WFDC3: variants seen among roughly 807,000 people sequenced by gnomAD.
WFDC3 encodes the protein WAP four-disulfide core domain protein 3.
Under a neutral mutation model 25.8 loss-of-function variants are expected in WFDC3, and 15 were observed. The observed-to-expected ratio is 0.58, with a 90% CI of 0.39 to 0.89. WFDC3 has a LOEUF of 0.89. Among genes scored for constraint, WFDC3 ranks in the 40% least tolerant of loss-of-function variants. The probability of loss-of-function intolerance (pLI) is 0.00; values close to 1 mark genes in which losing one functional copy is unlikely to be tolerated. For missense variants in WFDC3, 264 were observed against 289.8 expected, an observed-to-expected ratio of 0.91 and a Z score of 0.65; for synonymous variants, 103 against 107.1, an observed-to-expected ratio of 0.96 and a Z score of 0.24.
Position 45,791,814 on chromosome 20 carries a change from C to T in WFDC3, c.-8+18G>A, listed in dbSNP as rs893406785. The T allele has an allele frequency of 1.0e-5, 4 of 400,224 alleles. No individual in the cohort carries two copies. The highest frequency in any genetic ancestry group is 1.7e-5 in the Non-Finnish European group (4 of 230,270). 24.8% of individuals were successfully genotyped at this position (400,224 alleles called of 1,614,324 possible). The stretch of plus-strand genomic sequence containing the variant: ...GGCGCAGCCCTCCCGAGAGGAAGCC[C>T]CAACGACCTCCACCTACAAGGCCTC... On this transcript the variant is annotated intron_variant, in intron 1 of 6. Transcript: ENST00000243938.
At chr20:45,778,606 T>G (rs1980298705) in intron 4 of WFDC3, 1 of 152,170 alleles carries the variant, frequency 6.6e-6, no homozygotes, top group Admixed American at 6.5e-5. Flanking sequence ...CTTCTTCCAG[T>G]CCAAAGATAG....
intron 4 of WFDC3, among the ~76,000 whole-genome samples, chr20:45,777,767 C>T (rs757239047): frequency 6.7e-4 from 102 of 152,188 alleles, no homozygotes; most frequent in African/African-American, 2.2e-3. Context: ...GTGATCCTCC[C>T]GCCTGAGCCT....
chr20:45,776,177 A>G (rs1980135332), intron 5 of WFDC3, among the ~76,000 whole-genome samples: 1 of 152,160 alleles, frequency 6.6e-6, no homozygotes, highest in Non-Finnish European at 1.5e-5. Context: ...ACAAGGGTCA[A>G]TGATTCTTTA....
intron 3 of WFDC3, chr20:45,788,660 T>A: frequency 2.9e-6 from 1 of 343,598 alleles, no homozygotes; most frequent in Non-Finnish European, 5.3e-6. Context: ...CAGCCTTCCC[T>A]TTACAACTCT....
chr20:45,787,700 CA>C, intron 4 of WFDC3, 135 bp downstream of exon 4: 5 of 1,169,034 alleles, frequency 4.3e-6, no homozygotes, highest in African/African-American at 1.8e-5. Flanking sequence ...ATGGCTTGTG[CA>C]CCCTTTGTAT....
chr20:45,778,112 T>C (rs1018382632), intron 4 of WFDC3, among the ~76,000 whole-genome samples: 1 of 152,190 alleles, frequency 6.6e-6, no homozygotes, highest in African/African-American at 2.4e-5. Context: ...AGCACTAGCA[T>C]ACTGGGGCTT....
chr20:45,787,714 C>CCT (rs1980748783), intron 4 of WFDC3, 122 bp downstream of exon 4: 2 of 1,025,440 alleles, frequency 2.0e-6, no homozygotes, highest in Admixed American at 7.5e-5. Flanking sequence ...CTTTGTATAT[C>CCT]TTTTTTTTTT....
At chr20:45,790,155 T>TG in intron 1 of WFDC3, 173 bp from the exon 2 acceptor site, 1 of 535,228 alleles carries the variant, frequency 1.9e-6, no homozygotes, top group South Asian at 2.4e-5. Context: ...GATTGGCTGC[T>TG]GGAGTGTGGG....
chr20:45,785,287 T>C (rs555577294), intron 4 of WFDC3, among the ~76,000 whole-genome samples: 10 of 151,970 alleles, frequency 6.6e-5, no homozygotes, highest in Admixed American at 2.6e-4. Flanking sequence ...CTGACCAACA[T>C]GGCAAAACCC....
intron 6 of WFDC3, 86 bp from the exon 7 acceptor site, chr20:45,774,530 T>C (rs1980046086): frequency 6.3e-7 from 1 of 1,588,814 alleles, no homozygotes; most frequent in Admixed American, 1.7e-5. Context: ...TAGGAAAGCT[T>C]GGCCTATATT....
chr20:45,781,508 A>G (rs1056406999), intron 4 of WFDC3, among the ~76,000 whole-genome samples: 3 of 152,256 alleles, frequency 2.0e-5, no homozygotes, highest in Non-Finnish European at 4.4e-5. Flanking sequence ...GATTTATTAC[A>G]GCAAAAGGAT....
intron 4 of WFDC3, among the ~76,000 whole-genome samples, chr20:45,787,152 G>A (rs1783023581): frequency 7.7e-6 from 1 of 130,370 alleles, no homozygotes; most frequent in South Asian, 2.4e-4. Flanking sequence ...GGAAATGTGT[G>A]CCACCTTCCA....
chr20:45,777,063 G>A lies in WFDC3; in HGVS notation c.493+12C>T, dbSNP rs764451333. The A allele has an allele frequency of 1.1e-5, 18 of 1,612,242 alleles. No individual in the cohort carries two copies. Among genetic ancestry groups the A allele is most frequent in the East Asian group, 2.2e-5 (1 of 44,804 alleles). ...AACACTCAAGGATTTCTTCCCAAAA[G>A]AGCCAACATACCTCCCTCAATGTCT... On this transcript the variant is annotated intron_variant, in intron 5 of 6. Transcript: ENST00000243938.
chr20:45,788,134 T>A (rs949871129), intron 3 of WFDC3, 152 bp from the exon 4 acceptor site: 33 of 716,604 alleles, frequency 4.6e-5, no homozygotes, highest in Middle Eastern at 8.6e-4. Context: ...AGAAACCCCA[T>A]CTCTACTAAA....
chr20:45,777,993 G>A (rs1277785470), intron 4 of WFDC3, among the ~76,000 whole-genome samples: 1 of 152,062 alleles, frequency 6.6e-6, no homozygotes, highest in Non-Finnish European at 1.5e-5. Context: ...TTACCTCCTG[G>A]GATTCAGGCC....
At position 45,787,929 on chromosome 20, in the gene WFDC3, AC is replaced by A; in HGVS notation, c.264del (p.Arg88SerfsTer11). The A allele has an allele frequency of 6.2e-7, 1 of 1,614,016 alleles. No homozygotes were observed. The highest frequency in any genetic ancestry group is 8.5e-7 in the Non-Finnish European group (1 of 1,180,006). On this transcript the variant is annotated frameshift_variant, in exon 4 of 7. Coordinates refer to ENST00000243938, the MANE Select transcript of WFDC3 (RefSeq NM_080614.2). LOFTEE classifies it high-confidence loss of function. The part of the protein sequence containing the change: ...RVIRKQSCLK[R>X]CITDETCPGV... ...CCTGGACATGTCTCATCAGTGATGCACCTTTTCAAACAGGATTGTTTCCGAA... is the reference window on the plus strand; with the variant it reads ...CCTGGACATGTCTCATCAGTGATGCACTTTTCAAACAGGATTGTTTCCGAA...
rs572556800 is a variant in WFDC3, at chr20:45,787,490, G to A, written c.358+346C>T. Reference sequence around the variant, plus strand: ...GTATTTTTAGTAGAGACGGAGTTTCGCCGTGTTAGCCAGGATGGTCTCGAT... The same window carrying A: ...GTATTTTTAGTAGAGACGGAGTTTCACCGTGTTAGCCAGGATGGTCTCGAT... On this transcript the variant is annotated intron_variant, in intron 4 of 6. Transcript: ENST00000243938. 7.3e-5 allele frequency among the ~76,000 whole-genome samples: 11 copies of A among 151,474 alleles called. No individual in the cohort carries two copies. In the South Asian group the frequency reaches 1.5e-3, roughly 20 times the overall value.
At chr20:45,780,613 G>T (rs6065889) in intron 4 of WFDC3, among the ~76,000 whole-genome samples, 1 of 151,970 alleles carries the variant, frequency 6.6e-6, no homozygotes, top group Non-Finnish European at 1.5e-5. Flanking sequence ...TGGGGATGAC[G>T]GTTCCCCACC....
Position 45,787,957 on chromosome 20 carries a change from A to G in WFDC3, c.237T>C (p.Val79=), listed in dbSNP as rs1163334040. 6.2e-7 allele frequency: 1 copy of G among 1,613,932 alleles called. No individual in the cohort carries two copies. Among genetic ancestry groups the G allele is most frequent in the Admixed American group, 1.7e-5 (1 of 59,990 alleles). ...PKGRKRDCPR[V]IRKQSCLKRC... is the part of the protein sequence containing the mutation. Reference sequence around the variant, plus strand: ...TTTTCAAACAGGATTGTTTCCGAATAACCCTAGGGCAATCTCTTTTCCTCC... The same window carrying G: ...TTTTCAAACAGGATTGTTTCCGAATGACCCTAGGGCAATCTCTTTTCCTCC... Residue 79 remains valine, a synonymous_variant, in exon 4 of 7, where the codon GTT becomes GTC. Transcript: ENST00000243938.
Sources: allele counts gnomAD v4.1 joint callset (sites outside exome capture counted in the v4.1 genomes callset), GRCh38; gene constraint gnomAD v4.1.1; transcripts MANE v1.5; gene names NCBI Gene and HGNC (gene_info 2026-07-23, HGNC 2026-07-21).